WDSUB1: variants seen among roughly 807,000 people sequenced by gnomAD.
WDSUB1 encodes the protein WD repeat, SAM and U-box domain-containing protein 1.
Under a neutral mutation model 53.9 loss-of-function variants are expected in WDSUB1, and 49 were observed. The ratio of observed to expected loss-of-function variants is 0.91; its 90% CI spans 0.72 to 1.15. The LOEUF is 1.15. WDSUB1 is among the 50% of genes most tolerant of loss of function. The pLI is 0.00. For missense variants in WDSUB1, 514 were observed against 562.0 expected, an observed-to-expected ratio of 0.91 and a Z score of 0.86; for synonymous variants, 194 against 200.6, an observed-to-expected ratio of 0.97 and a Z score of 0.28.
intron 9 of WDSUB1, among the ~76,000 whole-genome samples, chr2:159,249,813 CCCAG>C (rs2060905616): frequency 6.6e-6 from 1 of 151,582 alleles, no homozygotes; most frequent in Non-Finnish European, 1.5e-5. Flanking sequence ...TGCCTGTAAC[CCCAG>C]CACTTTGGGA....
intron 9 of WDSUB1, among the ~76,000 whole-genome samples, chr2:159,250,822 G>T (rs2060934782): frequency 6.6e-6 from 1 of 152,152 alleles, no homozygotes; most frequent in Non-Finnish European, 1.5e-5. Flanking sequence ...GGATGAGATG[G>T]TAGAAAATCT....
At chr2:159,247,085 T>C (rs1354704452) in intron 10 of WDSUB1, among the ~76,000 whole-genome samples, 1 of 152,208 alleles carries the variant, frequency 6.6e-6, no homozygotes, top group Non-Finnish European at 1.5e-5. Context: ...TCACTTTTAA[T>C]AAATCAACTG....
At chr2:159,254,757 TTG>T (rs1275166926) in intron 9 of WDSUB1, among the ~76,000 whole-genome samples, 1 of 152,192 alleles carries the variant, frequency 6.6e-6, no homozygotes, top group South Asian at 2.1e-4. Flanking sequence ...GATGCTAAAT[TTG>T]TGAGTTTTTT....
At chr2:159,285,354 T>C (rs2061767972) in intron 1 of WDSUB1, among the ~76,000 whole-genome samples, 1 of 152,066 alleles carries the variant, frequency 6.6e-6, no homozygotes, top group Non-Finnish European at 1.5e-5. Flanking sequence ...GGTATAACCT[T>C]GACTTGTAAA....
chr2:159,275,472 TAAGTAAA>T (rs1558873958), intron 4 of WDSUB1, 67 bp downstream of exon 4: 3 of 1,235,640 alleles, frequency 2.4e-6, no homozygotes, highest in Non-Finnish European at 3.4e-6. Flanking sequence ...CAAGGTACCT[TAAGTAAA>T]AAGATTAAAT....
At chr2:159,247,910 A>ATATATAAATATATATATATATAT (rs2060846247) in intron 10 of WDSUB1, among the ~76,000 whole-genome samples, 2 of 17,680 alleles carry the variant, frequency 1.1e-4, no homozygotes, top group Non-Finnish European at 2.7e-4. Context: ...TATATATATA[A>ATATATAAATATATATATATATAT]ATATATATAT....
intron 5 of WDSUB1, among the ~76,000 whole-genome samples, chr2:159,270,493 A>G (rs936744777): frequency 6.6e-6 from 1 of 152,228 alleles, no homozygotes; most frequent in East Asian, 1.9e-4. Flanking sequence ...GGACAGAAAC[A>G]GAACAAAATA....
intron 10 of WDSUB1, among the ~76,000 whole-genome samples, chr2:159,237,603 C>T (rs2060518327): frequency 6.6e-6 from 1 of 152,176 alleles, no homozygotes; most frequent in African/African-American, 2.4e-5. Context: ...GTTACCCACC[C>T]TTCCCATATA....
Position 159,236,046 on chromosome 2 carries a change from G to A in WDSUB1, c.1418C>T (p.Thr473Ile), listed in dbSNP as rs767558597. ...ATATCAACAATTTTACTTTTGGTGT[G>A]TCTCCAGCCATCTATTGATGGCCAT... is the stretch of plus-strand genomic sequence containing the variant. ...LKMAINRWLE[T>I]HQK The change falls in exon 11 of 11, where the codon ACA (threonine) becomes ATA (isoleucine). Residue 473 changes from threonine to isoleucine, a missense_variant. By Grantham distance (89) the Thr-to-Ile change is moderately conservative. Transcript: ENST00000359774. 8.7e-6 allele frequency: 14 copies of A among 1,601,384 alleles called. 1 individual carries two copies. Among genetic ancestry groups the A allele is most frequent in the Admixed American group, 1.7e-5 (1 of 57,194 alleles).
At chr2:159,265,864 G>T (rs2061335399) in intron 5 of WDSUB1, among the ~76,000 whole-genome samples, 1 of 152,176 alleles carries the variant, frequency 6.6e-6, no homozygotes, top group Non-Finnish European at 1.5e-5. Context: ...AAGACCAAGG[G>T]AAAAACCTCT....
chr2:159,264,540 G>C (rs953037346), intron 5 of WDSUB1, among the ~76,000 whole-genome samples: 2 of 152,128 alleles, frequency 1.3e-5, no homozygotes, highest in South Asian at 2.1e-4. Flanking sequence ...CCCCTTCTGG[G>C]GTAAGATTCT....
intron 5 of WDSUB1, among the ~76,000 whole-genome samples, chr2:159,264,262 C>T (rs2061289645): frequency 6.6e-6 from 1 of 152,198 alleles, no homozygotes; most frequent in South Asian, 2.1e-4. Flanking sequence ...TGATAACCCT[C>T]CGTGATACAC....
chr2:159,259,886 A>C (rs1372664129), intron 5 of WDSUB1, 43 bp from the exon 6 acceptor site: 2 of 1,449,634 alleles, frequency 1.4e-6, no homozygotes, highest in African/African-American at 2.9e-5. Flanking sequence ...CTATAAAAAC[A>C]AAGTACAGCA....
At chr2:159,275,912 A>C (rs2061530951) in intron 3 of WDSUB1, among the ~76,000 whole-genome samples, 3 of 152,226 alleles carry the variant, frequency 2.0e-5, no homozygotes, top group Admixed American at 2.0e-4. Context: ...ACCAATATTG[A>C]GCCACTCAAT....
Position 159,241,754 on chromosome 2 carries a change from C to T in WDSUB1, c.1274-5564G>A, listed in dbSNP as rs1224848338. On this transcript the variant is annotated intron_variant, in intron 10 of 10. Coordinates refer to ENST00000359774, the MANE Select transcript of WDSUB1 (RefSeq NM_001128212.3). ...TTGAGATGGAGTCTCACATTGTCGC[C>T]GGGGCTAGAGTGCAGTGGCATGATC... 2.9e-5 allele frequency among the ~76,000 whole-genome samples: 4 copies of T among 138,620 alleles called. 1 individual carries two copies. In the East Asian group the frequency reaches 6.6e-4, roughly 23 times the overall value. 90.9% of individuals were successfully genotyped at this position (138,620 alleles called of 152,430 possible).
At chr2:159,252,207 T>C (rs1216483973) in intron 9 of WDSUB1, among the ~76,000 whole-genome samples, 2 of 152,112 alleles carry the variant, frequency 1.3e-5, no homozygotes, top group Non-Finnish European at 2.9e-5. Flanking sequence ...AAACCTATAT[T>C]AAGAATGGAA....
rs1450307773 is a variant in WDSUB1, at chr2:159,271,804, A to G, written c.677-9T>C. Reference sequence around the variant, plus strand: ...ATATTTTAATTCAAAACCTGCAAATAACAAGGTAACAGAGATTAGAAAGCT... The same window carrying G: ...ATATTTTAATTCAAAACCTGCAAATGACAAGGTAACAGAGATTAGAAAGCT... On this transcript the variant is annotated splice_polypyrimidine_tract_variant and intron_variant, in intron 4 of 10. Coordinates refer to ENST00000359774, the MANE Select transcript of WDSUB1 (RefSeq NM_001128212.3). The G allele has an allele frequency of 6.2e-7, 1 of 1,607,260 alleles. No individual in the cohort carries two copies. The highest frequency in any genetic ancestry group is 8.5e-7 in the Non-Finnish European group (1 of 1,174,286).
At chr2:159,241,751 C>T (rs1463257096) in intron 10 of WDSUB1, among the ~76,000 whole-genome samples, 12 of 124,778 alleles carry the variant, frequency 9.6e-5, no homozygotes, top group Admixed American at 1.8e-4. Flanking sequence ...CTCACATTGT[C>T]GCCGGGGCTA....
intron 10 of WDSUB1, among the ~76,000 whole-genome samples, chr2:159,247,892 T>TATATATATATATATATAA (rs1218862697): frequency 6.7e-4 from 19 of 28,368 alleles, no homozygotes; most frequent in Non-Finnish European, 6.9e-4. Context: ...AATAAATATA[T>TATATATATATATATATAA]ATATATATAT....
Sources: gnomAD v4.1 joint callset for allele counts (sites outside exome capture counted in the v4.1 genomes callset) on GRCh38, gnomAD v4.1.1 for gene constraint, MANE v1.5 for transcripts, NCBI Gene and HGNC (gene_info 2026-07-23, HGNC 2026-07-21) for gene names.